MSTO1: variants seen among roughly 807,000 people sequenced by gnomAD.
The protein encoded by MSTO1 is protein misato homolog 1.
Under a neutral mutation model 55.7 loss-of-function variants are expected in MSTO1, and 24 were observed. That is an observed-to-expected ratio of 0.43 (90% CI 0.31 to 0.61). The LOEUF is 0.61. Ranked by LOEUF, MSTO1 falls within the 20% of genes least tolerant of loss-of-function variation. MSTO1 has a pLI of 0.09. For synonymous variants in MSTO1, 162 were observed against 252.8 expected, an observed-to-expected ratio of 0.64 and a Z score of 3.41; for missense variants, 363 against 625.7, an observed-to-expected ratio of 0.58 and a Z score of 4.48.
At chr1:155,589,603 T>G in the MSTO1 span, among the ~76,000 whole-genome samples, 3 of 152,162 alleles carry the variant, frequency 2.0e-5, no homozygotes, top group African/African-American at 7.2e-5. Context: ...AGTGCAGCCT[T>G]CAGTCTGTGG....
the MSTO1 span, among the ~76,000 whole-genome samples, chr1:155,595,726 C>G: frequency 6.6e-6 from 1 of 152,114 alleles, no homozygotes; most frequent in African/African-American, 2.4e-5. Flanking sequence ...ATCTCCCGAT[C>G]TTGGCCTCCC....
the MSTO1 span, among the ~76,000 whole-genome samples, chr1:155,604,115 A>G: frequency 1.3e-5 from 2 of 152,204 alleles, no homozygotes; most frequent in Non-Finnish European, 2.9e-5. Flanking sequence ...TGTTCTACAA[A>G]GTAGAAAATA....
the MSTO1 span, among the ~76,000 whole-genome samples, chr1:155,583,196 T>C: frequency 6.6e-6 from 1 of 152,056 alleles, no homozygotes; most frequent in East Asian, 1.9e-4. Flanking sequence ...TTAAAGTATC[T>C]TGTTATTCCC....
chr1:155,587,969 G>C, the MSTO1 span, among the ~76,000 whole-genome samples: 2 of 152,030 alleles, frequency 1.3e-5, no homozygotes, highest in African/African-American at 4.8e-5. Flanking sequence ...ACTTTGGGAG[G>C]CCGAGGTGGG....
the MSTO1 span, among the ~76,000 whole-genome samples, chr1:155,585,612 A>G: frequency 6.6e-6 from 1 of 152,086 alleles, no homozygotes; most frequent in South Asian, 2.1e-4. Flanking sequence ...TTCTATAACT[A>G]CTGGATATTG....
intron 11 of MSTO1, 69 bp downstream of exon 11, chr1:155,613,302 C>T: frequency 1.9e-6 from 3 of 1,581,274 alleles, no homozygotes; most frequent in South Asian, 2.3e-5. Context: ...CCTAATTTCT[C>T]TGGGGCATTC....
At chr1:155,595,843 G>T in the MSTO1 span, among the ~76,000 whole-genome samples, 4 of 152,188 alleles carry the variant, frequency 2.6e-5, no homozygotes, top group South Asian at 8.3e-4. Flanking sequence ...ATTTCCTAGG[G>T]TCTGGAGAGG....
the MSTO1 span, chr1:155,563,614 C>T: frequency 8.8e-6 from 4 of 456,062 alleles, no homozygotes; most frequent in Non-Finnish European, 1.8e-5. Context: ...TCTTCAGCCT[C>T]GTTAGACAGC....
the MSTO1 span, chr1:155,563,927 TAAAAC>T: frequency 1.9e-5 from 4 of 205,148 alleles, no homozygotes; most frequent in Admixed American, 1.6e-4. Context: ...AAGGAGTTAA[TAAAAC>T]AAAGCAAACA....
the MSTO1 span, among the ~76,000 whole-genome samples, chr1:155,603,458 GA>G: frequency 6.6e-6 from 1 of 152,088 alleles, no homozygotes; most frequent in Non-Finnish European, 1.5e-5. Flanking sequence ...CATGGTTACA[GA>G]ATTAATATAC....
the MSTO1 span, among the ~76,000 whole-genome samples, chr1:155,571,806 G>C: frequency 3.9e-5 from 6 of 152,092 alleles, no homozygotes; most frequent in African/African-American, 7.2e-5. Context: ...CCAGCACTTT[G>C]GGAGGCCGAG....
At chr1:155,585,522 C>CAA in the MSTO1 span, among the ~76,000 whole-genome samples, 7 of 56,796 alleles carry the variant, frequency 1.2e-4, no homozygotes, top group Non-Finnish European at 1.9e-4. Context: ...GACTCCGTCT[C>CAA]AAAAAAAAAA....
At chr1:155,600,556 C>T in the MSTO1 span, among the ~76,000 whole-genome samples, 1 of 149,988 alleles carries the variant, frequency 6.7e-6, no homozygotes, top group African/African-American at 2.5e-5. Flanking sequence ...TTTTTTCTTT[C>T]TTTTTTTTTG....
the MSTO1 span, among the ~76,000 whole-genome samples, chr1:155,582,991 A>G: frequency 6.6e-6 from 1 of 151,544 alleles, no homozygotes; most frequent in African/African-American, 2.4e-5. Flanking sequence ...TCAGCCTCCC[A>G]AGTAGCTGAG....
At chr1:155,567,071 C>CAGTAAATTTACTGAAGTAA in the MSTO1 span, among the ~76,000 whole-genome samples, 1 of 151,660 alleles carries the variant, frequency 6.6e-6, no homozygotes, top group Non-Finnish European at 1.5e-5. Flanking sequence ...GAAGTATGGT[C>CAGTAAATTTACTGAAGTAA]AGGGTTGACT....
chr1:155,574,465 T>C, the MSTO1 span, among the ~76,000 whole-genome samples: 37,983 of 152,152 alleles, frequency 0.25, 5,677 homozygotes, highest in East Asian at 0.72. Context: ...TAGTTGTATA[T>C]ATATATATAG....
the MSTO1 span, among the ~76,000 whole-genome samples, chr1:155,579,739 A>G: frequency 6.6e-6 from 1 of 152,188 alleles, no homozygotes; most frequent in Admixed American, 6.6e-5. Flanking sequence ...ATTAAGATCA[A>G]TGTAGCACTG....
the MSTO1 span, among the ~76,000 whole-genome samples, chr1:155,571,898 C>T: frequency 2.0e-5 from 3 of 151,950 alleles, no homozygotes; most frequent in East Asian, 1.9e-4. Context: ...AAAAATTAGT[C>T]GGATGTGGTG....
chr1:155,606,811 G>C (rs1391333132), upstream of MSTO1, among the ~76,000 whole-genome samples: 1 of 150,618 alleles, frequency 6.6e-6, no homozygotes, highest in East Asian at 2.0e-4. Context: ...ATGAGCCACT[G>C]CAGCCGGCCC....
Sources: gnomAD v4.1 joint callset for allele counts (sites outside exome capture counted in the v4.1 genomes callset) on GRCh38, gnomAD v4.1.1 for gene constraint, MANE v1.5 for transcripts, NCBI Gene and HGNC (gene_info 2026-07-23, HGNC 2026-07-21) for gene names.